SERF2: variants seen among roughly 807,000 people sequenced by gnomAD.
SERF2 encodes gastric cancer-related protein VRG107.
SERF2 carries 4 observed loss-of-function variants against 10.7 expected under a neutral mutation model. The observed-to-expected ratio is 0.37, with a 90% confidence interval of 0.18 to 0.86. The LOEUF is 0.86. Among genes scored for constraint, SERF2 ranks in the 40% least tolerant of loss-of-function variants. The pLI, the probability that SERF2 is intolerant of heterozygous loss-of-function variation, is 0.43. For synonymous variants in SERF2, 26 were observed against 26.0 expected (o/e 1.00, Z 0.01); for missense variants, 47 against 79.1 (o/e 0.59, Z 1.54).
At chr15:43,790,511 CCTTGCA>C (rs1373529164), upstream of SERF2, among the ~76,000 whole-genome samples, 2 of 152,032 alleles carry the variant, frequency 1.3e-5, no homozygotes, top group Non-Finnish European at 2.9e-5. Context: ...CACCTGTAAT[CCTTGCA>C]CTTTGGGGGG....
At chr15:43,782,929 C>T (rs569677748) in intron 1 of SERF2, among the ~76,000 whole-genome samples, 7 of 151,374 alleles carry the variant, frequency 4.6e-5, no homozygotes. Context: ...ACTGCAACCT[C>T]TGCCTCCTGG....
At chr15:43,793,122 C>T (rs2087109028) in intron 2 of SERF2, 39 bp downstream of exon 2, 1 of 1,321,862 alleles carries the variant, frequency 7.6e-7, no homozygotes, top group Non-Finnish European at 1.1e-6. Context: ...CGGTGGAGAC[C>T]TGGGTTAGAC....
At position 43,795,284 on chromosome 15, in the gene SERF2, C is replaced by A. The variant is rs560893956; in HGVS notation, c.*1511C>A. The A allele has an allele frequency of 1.3e-6, 2 of 1,589,322 alleles. No homozygotes were observed. The highest frequency in any genetic ancestry group is 1.7e-6 in the Non-Finnish European group (2 of 1,158,568). ...TTTTAGACCTGTTCTACCTCCTCACCAAATATAATGGCAGACCCATGTGTG... is the reference window on the plus strand; with the variant it reads ...TTTTAGACCTGTTCTACCTCCTCACAAAATATAATGGCAGACCCATGTGTG... On this transcript the variant is annotated 3_prime_UTR_variant, in exon 3 of 3. Transcript: ENST00000249786.
chr15:43,788,880 T>C (rs572288909), upstream of SERF2, among the ~76,000 whole-genome samples: 1 of 152,224 alleles, frequency 6.6e-6, no homozygotes, highest in East Asian at 1.9e-4. Context: ...CCGGGCGCGG[T>C]GGCTCACGCC....
Position 43,795,926 on chromosome 15 carries a change from C to T in SERF2, c.*2153C>T, listed in dbSNP as rs1596046119. Reference sequence around the variant, plus strand: ...TGTTTAATCTTTTGTGCCTCGATTTCTCCATTTGTAAAATGGAGCAAATAC... The same window carrying T: ...TGTTTAATCTTTTGTGCCTCGATTTTTCCATTTGTAAAATGGAGCAAATAC... On this transcript the variant is annotated 3_prime_UTR_variant, in exon 3 of 3. Coordinates refer to ENST00000249786, the MANE Select transcript of SERF2 (RefSeq NM_001018108.4). 1 of 655,594 alleles carries T rather than the reference C, an allele frequency of 1.5e-6. No individual in the cohort carries two copies. The highest frequency in any genetic ancestry group is 2.7e-5 in the East Asian group (1 of 36,544). 40.6% of individuals were successfully genotyped at this position (655,594 alleles called of 1,614,324 possible).
rs764915359 is a variant in SERF2, at chr15:43,793,828, T to TC, written c.*58dup. 9 of 1,614,100 alleles carry TC rather than the reference T, an allele frequency of 5.6e-6. No individual in the cohort carries two copies. In the South Asian group the frequency reaches 8.8e-5, roughly 16 times the overall value. On this transcript the variant is annotated 3_prime_UTR_variant, in exon 3 of 3. Coordinates refer to ENST00000249786, the MANE Select transcript of SERF2 (RefSeq NM_001018108.4). ...CCTTCGCCTGTGTGCCTGGAGCCAG[T>TC]CCCACCACGCTCGCGTTTCCTCCTG...
upstream of SERF2, chr15:43,792,228 T>G: frequency 1.4e-6 from 1 of 725,102 alleles, no homozygotes; most frequent in Non-Finnish European, 2.5e-6. Flanking sequence ...TCCACGTGCT[T>G]TTTCTTGTCC....
At chr15:43,778,861 C>CA (rs1352936895) in intron 1 of SERF2, among the ~76,000 whole-genome samples, 9 of 152,248 alleles carry the variant, frequency 5.9e-5, no homozygotes, top group African/African-American at 2.2e-4. Context: ...GAGATCACGC[C>CA]ACTCCACTCC....
intron 1 of SERF2, among the ~76,000 whole-genome samples, chr15:43,783,927 A>ATT (rs71111825): frequency 0.16 from 7,715 of 47,970 alleles, 2,113 homozygotes; most frequent in Non-Finnish European, 0.22. Flanking sequence ...ACGCCCAGCT[A>ATT]TTTTTTTTTT....
intron 1 of SERF2, among the ~76,000 whole-genome samples, chr15:43,781,020 C>T (rs1214061289): frequency 1.3e-5 from 2 of 152,016 alleles, no homozygotes; most frequent in African/African-American, 2.4e-5. Context: ...TTTGGCAAAA[C>T]CAAATTGGCA....
chr15:43,789,845 TA>T (rs903339962), upstream of SERF2, among the ~76,000 whole-genome samples: 4 of 149,812 alleles, frequency 2.7e-5, no homozygotes, highest in Admixed American at 1.3e-4. Context: ...CTGTCTCTAC[TA>T]AAAAAAAATA....
rs1238652591 is a variant in SERF2, at chr15:43,794,976, G to T, written c.*1203G>T. 6.3e-7 allele frequency: 1 copy of T among 1,580,928 alleles called. No individual in the cohort carries two copies. Among genetic ancestry groups the T allele is most frequent in the Non-Finnish European group, 8.6e-7 (1 of 1,160,048 alleles). On this transcript the variant is annotated 3_prime_UTR_variant, in exon 3 of 3. Coordinates refer to ENST00000249786, the MANE Select transcript of SERF2 (RefSeq NM_001018108.4). ...CCAACTCTAGGAGTACAATGTCAGG[G>T]GAACCCCAGTTTGTGAAAAGGACTT... is the stretch of plus-strand genomic sequence containing the variant.
chr15:43,795,355 T>G lies in SERF2; in HGVS notation c.*1582T>G, dbSNP rs78564930. The G allele has an allele frequency of 4.0e-4, 648 of 1,612,618 alleles. 4 individuals are homozygous for G. In the African/African-American group the frequency reaches 8.0e-3, roughly 20 times the overall value. On this transcript the variant is annotated 3_prime_UTR_variant, in exon 3 of 3. Coordinates refer to ENST00000249786, the MANE Select transcript of SERF2 (RefSeq NM_001018108.4). ...CTCTTTCCTTAAAATAGCTAGCTCT[T>G]CAGGAGAGTATCTAAGGCCCACTCC...
At position 43,794,999 on chromosome 15, in the gene SERF2, C is replaced by T. The variant is rs774531261; in HGVS notation, c.*1226C>T. On this transcript the variant is annotated 3_prime_UTR_variant, in exon 3 of 3. Transcript: ENST00000249786. Reference sequence around the variant, plus strand: ...GGGGAACCCCAGTTTGTGAAAAGGACTTAGACTGGAGGATATTTGTTATCT... The same window carrying T: ...GGGGAACCCCAGTTTGTGAAAAGGATTTAGACTGGAGGATATTTGTTATCT... The T allele has an allele frequency of 5.0e-6, 8 of 1,608,132 alleles. No homozygotes were observed. The highest frequency in any genetic ancestry group is 6.8e-6 in the Non-Finnish European group (8 of 1,177,976).
rs1178971193 is a variant in SERF2 at position 43,795,694 on chromosome 15, C to G, written c.*1921C>G. ...TTCCTCACTTGGCACTCACCTTTGT[C>G]TGCCTCCACTGTTTCAGGGCAGCAG... On this transcript the variant is annotated 3_prime_UTR_variant, in exon 3 of 3. Transcript: ENST00000249786. 5 of 1,613,916 alleles carry G rather than the reference C, an allele frequency of 3.1e-6. No homozygotes were observed. The African/African-American group carries it at 6.7e-5, about 22-fold the overall frequency.
At chr15:43,786,877 A>G (rs1327559499) in intron 2 of SERF2, among the ~76,000 whole-genome samples, 1 of 152,196 alleles carries the variant, frequency 6.6e-6, no homozygotes, top group Non-Finnish European at 1.5e-5. Context: ...CCACCCTAGC[A>G]ATGGAAAAAA....
At chr15:43,779,309 G>A (rs985807906) in intron 1 of SERF2, among the ~76,000 whole-genome samples, 7 of 152,056 alleles carry the variant, frequency 4.6e-5, no homozygotes, top group African/African-American at 1.7e-4. Flanking sequence ...TGGGGTTGAG[G>A]TGTGAAAATA....
rs1477596925 is a variant in SERF2, at chr15:43,793,003, G to A, written c.36G>A (p.Gln12=). The A allele has an allele frequency of 1.9e-6, 3 of 1,599,726 alleles. No homozygotes were observed. Among genetic ancestry groups the A allele is most frequent in the Admixed American group, 1.7e-5 (1 of 59,548 alleles). The change falls in exon 2 of 3, where the codon CAG becomes CAA. Residue 12 remains glutamine (Q), a synonymous_variant. Transcript: ENST00000249786. ...TRGNQRELAR[Q]KNMKKQSDSV... The stretch of plus-strand genomic sequence containing the variant: ...GTAACCAGCGTGAGCTCGCCCGCCA[G>A]AAGAATATGAAAAAGCAGAGCGACT...
upstream of SERF2, among the ~76,000 whole-genome samples, chr15:43,789,562 A>G (rs1038430708): frequency 1.3e-5 from 2 of 152,294 alleles, no homozygotes; most frequent in Non-Finnish European, 2.9e-5. Flanking sequence ...GTTACTTCAT[A>G]CCAGGTGGAA....
Sources: gnomAD v4.1 joint callset for allele counts (sites outside exome capture counted in the v4.1 genomes callset) on GRCh38, gnomAD v4.1.1 for gene constraint, MANE v1.5 for transcripts, NCBI Gene and HGNC (gene_info 2026-07-23, HGNC 2026-07-21) for gene names.